Variants in PCDH9 observed in about 807,000 individuals in gnomAD.
The protein encoded by PCDH9 is protocadherin 9.
Under a neutral mutation model 70.6 loss-of-function variants are expected in PCDH9, and 24 were observed. The ratio of observed to expected loss-of-function variants is 0.34; its 90% CI spans 0.25 to 0.48. The LOEUF (loss-of-function observed/expected upper bound fraction) is 0.48. Among genes scored for constraint, PCDH9 ranks in the 20% least tolerant of loss-of-function variants. The pLI, the probability that PCDH9 is intolerant of heterozygous loss-of-function variation, is 0.99. For synonymous variants in PCDH9, 562 were observed against 558.5 expected (o/e 1.01, Z -0.09); for missense variants, 1,281 against 1,503.6 (o/e 0.85, Z 2.45).
At chr13:66,701,112 G>A (rs1378515304) in intron 3 of PCDH9, among the ~76,000 whole-genome samples, 1 of 151,282 alleles carries the variant, frequency 6.6e-6, no homozygotes, top group Admixed American at 6.6e-5. Flanking sequence ...AAAAATTTGA[G>A]ATATTTGCAT....
chr13:67,125,948 A>T (rs1284312710), intron 2 of PCDH9, among the ~76,000 whole-genome samples: 1 of 152,112 alleles, frequency 6.6e-6, no homozygotes. Context: ...TTAATTGTAT[A>T]CTTTAAATGT....
chr13:66,902,041 A>G (rs1214180896), intron 3 of PCDH9, among the ~76,000 whole-genome samples: 1 of 151,644 alleles, frequency 6.6e-6, no homozygotes, highest in Non-Finnish European at 1.5e-5. Flanking sequence ...CTGCCATCCA[A>G]TTAGAACTAT....
At position 66,980,735 on chromosome 13, in the gene PCDH9, T is replaced by TTG. The variant is rs1204845140; in HGVS notation, c.3037-77131_3037-77130insCA. Among the ~76,000 whole-genome samples the TTG allele has an allele frequency of 3.6e-5, 5 of 139,090 alleles. No homozygotes were observed. In the East Asian group the frequency reaches 8.1e-4, roughly 23 times the overall value. 91.2% of individuals were successfully genotyped at this position (139,090 alleles called of 152,430 possible). ...TTTTTCCTGTTTTTTTCTTTGTTTTTTTTTTTGTTTTTTTTTTTACTATTT... is the reference window on the plus strand; with the variant it reads ...TTTTTCCTGTTTTTTTCTTTGTTTTTTGTTTTTTGTTTTTTTTTTTACTATTT... On this transcript the variant is annotated intron_variant, in intron 2 of 4. Transcript: ENST00000377865.
intron 2 of PCDH9, chr13:67,206,775 G>T (rs1471612893): frequency 2.6e-5 from 4 of 152,056 alleles, no homozygotes; most frequent in African/African-American, 9.7e-5. Flanking sequence ...CTGGAATAAA[G>T]ATTTAAAAAG....
intron 2 of PCDH9, among the ~76,000 whole-genome samples, chr13:66,964,097 CTTAG>C (rs1275404221): frequency 2.0e-5 from 3 of 151,878 alleles, no homozygotes; most frequent in Admixed American, 1.3e-4. Context: ...ATAGTGCAAA[CTTAG>C]TTGTTGCTTA....
At chr13:67,155,641 T>TG (rs1278336441) in intron 2 of PCDH9, among the ~76,000 whole-genome samples, 26 of 152,216 alleles carry the variant, frequency 1.7e-4, no homozygotes, top group African/African-American at 6.0e-4. Context: ...CTGTGTTTTC[T>TG]AAGGAATTAG....
At chr13:66,589,239 A>G (rs2077006601) in intron 4 of PCDH9, among the ~76,000 whole-genome samples, 1 of 152,126 alleles carries the variant, frequency 6.6e-6, no homozygotes, top group Admixed American at 6.6e-5. Flanking sequence ...CTTGAAAGAA[A>G]GCAATCATCT....
chr13:66,813,188 A>G (rs1031194191), intron 3 of PCDH9, among the ~76,000 whole-genome samples: 1 of 152,174 alleles, frequency 6.6e-6, no homozygotes, highest in Non-Finnish European at 1.5e-5. Context: ...CCATTGGCCA[A>G]CTCATATGAT....
intron 3 of PCDH9, among the ~76,000 whole-genome samples, chr13:66,828,376 A>C (rs2080861384): frequency 6.6e-6 from 1 of 152,214 alleles, no homozygotes; most frequent in African/African-American, 2.4e-5. Context: ...TAAACCTCTA[A>C]AAAATACTAA....
intron 3 of PCDH9, among the ~76,000 whole-genome samples, chr13:66,727,607 A>T (rs2079022190): frequency 6.6e-6 from 1 of 152,118 alleles, no homozygotes; most frequent in Non-Finnish European, 1.5e-5. Flanking sequence ...TGTGCCTATT[A>T]TGGACGTATA....
At chr13:66,556,584 C>T (rs996904170) in intron 4 of PCDH9, among the ~76,000 whole-genome samples, 3 of 152,100 alleles carry the variant, frequency 2.0e-5, no homozygotes, top group African/African-American at 7.2e-5. Flanking sequence ...ATCTCAATAA[C>T]CAATGATTTA....
chr13:67,157,589 C>A (rs2087847679), intron 2 of PCDH9, among the ~76,000 whole-genome samples: 1 of 151,912 alleles, frequency 6.6e-6, no homozygotes, highest in African/African-American at 2.4e-5. Context: ...CAACATCATG[C>A]AAAACTAAAT....
intron 3 of PCDH9, among the ~76,000 whole-genome samples, chr13:66,883,733 G>A (rs889978067): frequency 2.6e-5 from 4 of 152,034 alleles, no homozygotes; most frequent in African/African-American, 9.7e-5. Context: ...TTAGGATTTT[G>A]TGTTTGTGTT....
chr13:66,665,129 G>C (rs1256415119), intron 3 of PCDH9, among the ~76,000 whole-genome samples: 4 of 147,344 alleles, frequency 2.7e-5, no homozygotes, highest in African/African-American at 1.0e-4. Context: ...TTTTTGAGAC[G>C]GAGTTTTGCT....
chr13:66,835,669 T>G (rs1178635887), intron 3 of PCDH9, among the ~76,000 whole-genome samples: 3 of 152,196 alleles, frequency 2.0e-5, no homozygotes, highest in African/African-American at 2.4e-5. Context: ...ACAATTTTTT[T>G]TTATGCTAGA....
At chr13:66,498,807 G>C (rs1439916671) in intron 4 of PCDH9, among the ~76,000 whole-genome samples, 1 of 151,894 alleles carries the variant, frequency 6.6e-6, no homozygotes, top group Non-Finnish European at 1.5e-5. Flanking sequence ...CCTTGCCTTT[G>C]AAAAAATTAG....
At chr13:66,323,017 C>G (rs1566240447) in intron 4 of PCDH9, among the ~76,000 whole-genome samples, 1 of 151,916 alleles carries the variant, frequency 6.6e-6, no homozygotes, top group Non-Finnish European at 1.5e-5. Flanking sequence ...TTTAACAGAA[C>G]TATTAAAATA....
At chr13:67,129,798 A>G (rs1453025557) in intron 2 of PCDH9, among the ~76,000 whole-genome samples, 1 of 152,086 alleles carries the variant, frequency 6.6e-6, no homozygotes, top group Non-Finnish European at 1.5e-5. Context: ...CAGGTCTGAT[A>G]AAATCAAATA....
At chr13:67,042,540 A>AT (rs1320032975) in intron 2 of PCDH9, among the ~76,000 whole-genome samples, 1 of 152,260 alleles carries the variant, frequency 6.6e-6, no homozygotes, top group African/African-American at 2.4e-5. Flanking sequence ...GCCATGGGTT[A>AT]TCACAAAGAC....
Sources: allele counts gnomAD v4.1 joint callset (sites outside exome capture counted in the v4.1 genomes callset), GRCh38; gene constraint gnomAD v4.1.1; transcripts MANE v1.5; gene names NCBI Gene and HGNC (gene_info 2026-07-23, HGNC 2026-07-21).